The following CPVL variants were observed in gnomAD, a reference collection of about 807,000 sequenced individuals.
CPVL encodes probable serine carboxypeptidase CPVL.
CPVL carries 51 observed loss-of-function variants against 63.7 expected under a neutral mutation model. The ratio of observed to expected loss-of-function variants is 0.80; its 90% CI spans 0.64 to 1.01. The LOEUF (loss-of-function observed/expected upper bound fraction) is 1.01. Among genes scored for constraint, CPVL ranks in the 50% least tolerant of loss-of-function variants. CPVL has a pLI of 0.00. For missense variants in CPVL, 530 were observed against 573.1 expected (o/e 0.92, Z 0.77); for synonymous variants, 195 against 206.0 (o/e 0.95, Z 0.46).
chr7:29,149,280 C>T (rs1793247088), upstream of CPVL, among the ~76,000 whole-genome samples: 1 of 150,774 alleles, frequency 6.6e-6, no homozygotes, highest in Admixed American at 6.6e-5. Context: ...GCAACCTCCA[C>T]CTCCCGGGTT....
At chr7:29,182,538 G>A (rs536854772) in intron 4 of CPVL, among the ~76,000 whole-genome samples, 6 of 152,294 alleles carry the variant, frequency 3.9e-5, no homozygotes, top group South Asian at 4.1e-4. Context: ...TATTACCCAC[G>A]TTAAGCCTCC....
In CPVL at chr7:29,106,700, C is replaced by G. The variant is rs139134388; in HGVS notation, c.288+6004G>C. 6.5e-4 allele frequency among the ~76,000 whole-genome samples: 99 copies of G among 152,180 alleles called. 1 individual carries two copies. The East Asian group carries it at 0.017, about 26-fold the overall frequency. ...AAAAAAAAACAAAAATTAAAAGTAG[C>G]TCGCATAGTAATCCCCACTCCTTAT... On this transcript the variant is annotated intron_variant, in intron 3 of 12. Transcript: ENST00000265394.
chr7:29,103,188 G>GGA (rs1787362384), intron 3 of CPVL, among the ~76,000 whole-genome samples: 1 of 140,440 alleles, frequency 7.1e-6, no homozygotes, highest in Non-Finnish European at 1.6e-5. Context: ...ACTGGGGGGG[G>GGA]GGGGGGGGTG....
intron 7 of CPVL, chr7:29,081,457 T>C (rs977424803): frequency 5.3e-5 from 8 of 152,202 alleles, no homozygotes; most frequent in African/African-American, 1.9e-4. Context: ...TTCTCTGGTG[T>C]GGCCACACCA....
At chr7:29,083,628 A>G (rs1434503474) in intron 7 of CPVL, among the ~76,000 whole-genome samples, 1 of 152,206 alleles carries the variant, frequency 6.6e-6, no homozygotes, top group Non-Finnish European at 1.5e-5. Flanking sequence ...GAAAAGTACA[A>G]AGCCAAGTAC....
At chr7:29,124,100 T>A (rs1009570780) in intron 1 of CPVL, among the ~76,000 whole-genome samples, 2 of 152,140 alleles carry the variant, frequency 1.3e-5, no homozygotes, top group Non-Finnish European at 2.9e-5. Flanking sequence ...TCTCTCCTTA[T>A]GAGAATGAAA....
At chr7:29,095,039 A>G (rs960427583) in intron 5 of CPVL, 45 bp downstream of exon 5, 2 of 1,408,378 alleles carry the variant, frequency 1.4e-6, no homozygotes, top group African/African-American at 2.8e-5. Flanking sequence ...AATAAAAGAC[A>G]GGAGACGCCA....
chr7:29,046,628 T>G (rs182699995), intron 11 of CPVL, among the ~76,000 whole-genome samples: 75 of 151,248 alleles, frequency 5.0e-4, no homozygotes, highest in Non-Finnish European at 9.6e-4. Context: ...ACAGCACAAA[T>G]GATTTTTTTT....
At chr7:29,111,596 A>G (rs1003742240) in intron 3 of CPVL, among the ~76,000 whole-genome samples, 2 of 152,252 alleles carry the variant, frequency 1.3e-5, no homozygotes, top group Non-Finnish European at 2.9e-5. Flanking sequence ...TGTGAGCCCA[A>G]CGACAAAGGA....
intron 3 of CPVL, among the ~76,000 whole-genome samples, chr7:29,105,492 C>G (rs1310137336): frequency 6.6e-6 from 1 of 152,190 alleles, no homozygotes; most frequent in Non-Finnish European, 1.5e-5. Flanking sequence ...GACAGAAAGA[C>G]TGACTGCCTT....
chr7:29,060,113 G>A (rs1343313908), intron 11 of CPVL, among the ~76,000 whole-genome samples: 1 of 152,124 alleles, frequency 6.6e-6, no homozygotes, highest in East Asian at 1.9e-4. Flanking sequence ...TTTGAATGTA[G>A]CAAGATCTTA....
chr7:29,181,572 T>G (rs1017107481), intron 4 of CPVL, among the ~76,000 whole-genome samples: 1 of 152,222 alleles, frequency 6.6e-6, no homozygotes, highest in Non-Finnish European at 1.5e-5. Flanking sequence ...AATTTTATAT[T>G]GCCATTAAAA....
chr7:29,030,831 A>T lies in CPVL; in HGVS notation c.1138-72T>A, dbSNP rs536623186. 3 of 1,281,884 alleles carry T rather than the reference A, an allele frequency of 2.3e-6. No individual in the cohort carries two copies. In the South Asian group the frequency reaches 4.5e-5, roughly 19 times the overall value. 79.4% of individuals were successfully genotyped at this position (1,281,884 alleles called of 1,614,324 possible). On this transcript the variant is annotated intron_variant, in intron 11 of 12. Coordinates refer to ENST00000265394, the MANE Select transcript of CPVL (RefSeq NM_031311.5). ...AGCTCATGAATCGAGCTAGGTATAA[A>T]TAGTGAGCCAGTGAGAGAGAAAAAG...
intron 4 of CPVL, 89 bp from the exon 5 acceptor site, chr7:29,095,231 C>T (rs1328791981): frequency 1.9e-5 from 20 of 1,046,236 alleles, no homozygotes; most frequent in African/African-American, 1.1e-4. Flanking sequence ...ACACACCCCA[C>T]GGTCCTCATG....
chr7:29,013,554 T>A (rs1433426659), intron 12 of CPVL, among the ~76,000 whole-genome samples: 2 of 152,218 alleles, frequency 1.3e-5, no homozygotes, highest in Non-Finnish European at 2.9e-5. Flanking sequence ...GAGAGCTTAG[T>A]CAAAATTTTA....
intron 5 of CPVL, among the ~76,000 whole-genome samples, chr7:29,179,796 T>C (rs1466253219): frequency 1.3e-5 from 2 of 152,234 alleles, no homozygotes; most frequent in African/African-American, 4.8e-5. Flanking sequence ...ATAGCATTTA[T>C]GAGGTTCATT....
upstream of CPVL, among the ~76,000 whole-genome samples, chr7:29,147,455 G>T (rs1276116370): frequency 6.6e-6 from 1 of 152,220 alleles, no homozygotes; most frequent in East Asian, 1.9e-4. Flanking sequence ...CGCGTAGTTT[G>T]TTATGCAACT....
intron 5 of CPVL, among the ~76,000 whole-genome samples, chr7:29,160,227 T>G (rs893248951): frequency 6.6e-6 from 1 of 152,168 alleles, no homozygotes; most frequent in Non-Finnish European, 1.5e-5. Context: ...CCACCCACAG[T>G]GTGTGAAGTT....
At chr7:29,083,438 C>T (rs758367518) in intron 7 of CPVL, among the ~76,000 whole-genome samples, 11 of 152,314 alleles carry the variant, frequency 7.2e-5, no homozygotes, top group African/African-American at 1.2e-4. Flanking sequence ...TTCCAACCAC[C>T]TGGGTCCAGC....
Sources: gnomAD v4.1 joint callset for allele counts (sites outside exome capture counted in the v4.1 genomes callset) on GRCh38, gnomAD v4.1.1 for gene constraint, MANE v1.5 for transcripts, NCBI Gene and HGNC (gene_info 2026-07-23, HGNC 2026-07-21) for gene names.